CDKAL1: variants seen among roughly 807,000 people sequenced by gnomAD.
CDKAL1 encodes CDKAL1 threonylcarbamoyladenosine tRNA methylthiotransferase, also known as threonylcarbamoyladenosine tRNA methylthiotransferase.
In CDKAL1, 32 loss-of-function variants were observed where a neutral mutation model predicts 68.2. The observed-to-expected ratio is 0.47, with a 90% CI of 0.35 to 0.63. CDKAL1 has a LOEUF of 0.63. CDKAL1 is among the 30% of genes least tolerant of loss of function. The pLI is 0.00. For synonymous variants in CDKAL1, 234 were observed against 244.3 expected (o/e 0.96, Z 0.39); for missense variants, 606 against 696.7 (o/e 0.87, Z 1.47).
chr6:20,603,594 G>A (rs4710936), intron 4 of CDKAL1, among the ~76,000 whole-genome samples: 51,636 of 151,598 alleles, frequency 0.34, 9,302 homozygotes, highest in East Asian at 0.53. Flanking sequence ...GTGTTACTCA[G>A]AAGCAGACAC....
At chr6:20,992,451 A>G (rs1267002995) in intron 10 of CDKAL1, among the ~76,000 whole-genome samples, 4 of 152,162 alleles carry the variant, frequency 2.6e-5, no homozygotes, top group Non-Finnish European at 4.4e-5. Flanking sequence ...AGGCTATGCC[A>G]TTAGAATGTT....
At position 21,153,809 on chromosome 6, in the gene CDKAL1, G is replaced by A. The variant is rs562492473; in HGVS notation, c.1300-44212G>A. Among the ~76,000 whole-genome samples, 5 of 152,264 alleles carry A rather than the reference G, an allele frequency of 3.3e-5. No homozygotes were observed. The East Asian group carries it at 9.7e-4, about 29-fold the overall frequency. On this transcript the variant is annotated intron_variant, in intron 13 of 15. Transcript: ENST00000274695. The stretch of plus-strand genomic sequence containing the variant: ...TTTTTCCCTGTGTGGACAGAACTAA[G>A]CCAGAAAACAAAAAATTGAGAGCTA...
In CDKAL1 at chr6:21,230,985, G is replaced by A. The variant is rs775706601; in HGVS notation, c.1686G>A (p.Val562=). 2.5e-6 allele frequency: 4 copies of A among 1,613,034 alleles called. No individual in the cohort carries two copies. In the South Asian group the frequency reaches 3.3e-5, roughly 13 times the overall value. The change falls in exon 16 of 16, where the codon GTG becomes GTA. Residue 562 remains valine (V), a synonymous_variant. Coordinates refer to ENST00000274695, the MANE Select transcript of CDKAL1 (RefSeq NM_017774.3). ...LHQDCALRMS[V]GLALLGLLFA... ...AAGACTGTGCGCTGAGGATGTCCGTGGGCTTGGCTCTGCTGGGTCTTCTTT... is the reference window on the plus strand; with the variant it reads ...AAGACTGTGCGCTGAGGATGTCCGTAGGCTTGGCTCTGCTGGGTCTTCTTT...
chr6:20,549,158 TTCTTAATTTTTTCTTG>T (rs1763719107), intron 4 of CDKAL1, among the ~76,000 whole-genome samples: 2 of 152,198 alleles, frequency 1.3e-5, no homozygotes, highest in Non-Finnish European at 2.9e-5. Flanking sequence ...CTGTGACAGT[TTCTTAATTTTTTCTTG>T]TCTTCTGTGA....
rs76447287 is a variant in CDKAL1, at chr6:20,893,138, T to A, written c.742+46960T>A. Among the ~76,000 whole-genome samples, 603 of 152,332 alleles carry A rather than the reference T, an allele frequency of 4.0e-3. 8 individuals carry two copies. Among genetic ancestry groups the A allele is most frequent in the African/African-American group, 0.013 (555 of 41,574 alleles). ...CGCATCTCTCTGTGCCGCCTTATTT[T>A]TAATAGCTGGTATTTTTGACTTGGC... On this transcript the variant is annotated intron_variant, in intron 9 of 15. Coordinates refer to ENST00000274695, the MANE Select transcript of CDKAL1 (RefSeq NM_017774.3).
At chr6:20,592,468 C>CTT (rs34023799) in intron 4 of CDKAL1, among the ~76,000 whole-genome samples, 25 of 130,412 alleles carry the variant, frequency 1.9e-4, no homozygotes, top group African/African-American at 3.9e-4. Flanking sequence ...ATGCTTCCAG[C>CTT]TTTTTTTTTT....
rs79792303 is a variant in CDKAL1, at chr6:20,662,180, A to G, written c.371+12803A>G. 5.8e-3 allele frequency among the ~76,000 whole-genome samples: 880 copies of G among 152,282 alleles called. 10 individuals are homozygous for G. Among genetic ancestry groups the G allele is most frequent in the African/African-American group, 0.019 (810 of 41,572 alleles). On this transcript the variant is annotated intron_variant, in intron 5 of 15. Coordinates refer to ENST00000274695, the MANE Select transcript of CDKAL1 (RefSeq NM_017774.3). ...TTTTTAGTCAGTAGTATTGTTTAAT[A>G]ACTGATAATAAGTGAAATAAAAAAG...
intron 10 of CDKAL1, among the ~76,000 whole-genome samples, chr6:20,981,921 G>A (rs557371663): frequency 7.2e-4 from 109 of 152,270 alleles, no homozygotes; most frequent in African/African-American, 2.5e-3. Flanking sequence ...CATTTTGTTA[G>A]ACTCATCTTT....
intron 9 of CDKAL1, among the ~76,000 whole-genome samples, chr6:20,875,545 G>C (rs1028750468): frequency 6.6e-6 from 1 of 152,054 alleles, no homozygotes; most frequent in African/African-American, 2.4e-5. Flanking sequence ...ATGTGGGGAG[G>C]GGGGTTGGAA....
At chr6:21,178,804 A>G (rs1777682607) in intron 13 of CDKAL1, among the ~76,000 whole-genome samples, 1 of 152,252 alleles carries the variant, frequency 6.6e-6, no homozygotes, top group Non-Finnish European at 1.5e-5. Flanking sequence ...ACTTGGTTCT[A>G]AGTGAGGATC....
At chr6:21,107,352 T>C (rs1773901070) in intron 12 of CDKAL1, among the ~76,000 whole-genome samples, 1 of 152,246 alleles carries the variant, frequency 6.6e-6, no homozygotes, top group South Asian at 2.1e-4. Flanking sequence ...GGGACTCATG[T>C]AATGCCTGGG....
chr6:20,591,184 G>T (rs753163246), intron 4 of CDKAL1, among the ~76,000 whole-genome samples: 7 of 151,968 alleles, frequency 4.6e-5, no homozygotes, highest in Non-Finnish European at 8.8e-5. Flanking sequence ...CATATTCTTC[G>T]CCCACTTTTT....
At position 21,053,931 on chromosome 6, in the gene CDKAL1, G is replaced by A. The variant is rs539949794; in HGVS notation, c.1056-11117G>A. On this transcript the variant is annotated intron_variant, in intron 11 of 15. Coordinates refer to ENST00000274695, the MANE Select transcript of CDKAL1 (RefSeq NM_017774.3). ...ATGACTTCTCTTTTCATTTTTTAAC[G>A]GTATCTTTTGAGTAAGTTTAATTTC... 9.2e-5 allele frequency among the ~76,000 whole-genome samples: 14 copies of A among 151,830 alleles called. No individual in the cohort carries two copies. In the South Asian group the frequency reaches 2.3e-3, roughly 25 times the overall value.
At chr6:20,734,667 C>T (rs779046902) in intron 5 of CDKAL1, among the ~76,000 whole-genome samples, 6 of 152,170 alleles carry the variant, frequency 3.9e-5, no homozygotes, top group Non-Finnish European at 7.4e-5. Context: ...GCTATGATTT[C>T]GGCTTAGATT....
At chr6:21,112,054 T>G (rs1463493923) in intron 13 of CDKAL1, among the ~76,000 whole-genome samples, 1 of 152,118 alleles carries the variant, frequency 6.6e-6, no homozygotes, top group Non-Finnish European at 1.5e-5. Flanking sequence ...TCACAAAAAG[T>G]CCAACCTGGA....
chr6:20,935,532 G>A (rs1434013434), intron 9 of CDKAL1, among the ~76,000 whole-genome samples: 1 of 151,788 alleles, frequency 6.6e-6, no homozygotes, highest in Non-Finnish European at 1.5e-5. Context: ...GGGTTCAAGA[G>A]ATTCTTGCGC....
At chr6:21,047,878 A>G (rs1426981486) in intron 11 of CDKAL1, among the ~76,000 whole-genome samples, 1 of 152,214 alleles carries the variant, frequency 6.6e-6, no homozygotes, top group Non-Finnish European at 1.5e-5. Context: ...TCAGAGAGGA[A>G]GTATTCTGAT....
intron 8 of CDKAL1, among the ~76,000 whole-genome samples, chr6:20,840,020 G>A (rs893132892): frequency 6.6e-6 from 1 of 152,194 alleles, no homozygotes; most frequent in Non-Finnish European, 1.5e-5. Context: ...CACAGAATAA[G>A]TCAGTGTTTC....
At chr6:21,142,062 C>T (rs1775942767) in intron 13 of CDKAL1, among the ~76,000 whole-genome samples, 2 of 151,848 alleles carry the variant, frequency 1.3e-5, no homozygotes, top group African/African-American at 4.8e-5. Flanking sequence ...GAAGGAAAAA[C>T]ATTTAAATAG....
Sources: allele counts gnomAD v4.1 joint callset (sites outside exome capture counted in the v4.1 genomes callset), GRCh38; gene constraint gnomAD v4.1.1; transcripts MANE v1.5; gene names NCBI Gene and HGNC (gene_info 2026-07-23, HGNC 2026-07-21).